MAEL: variants seen among roughly 807,000 people sequenced by gnomAD.
MAEL encodes the protein protein maelstrom homolog.
MAEL carries 46 observed loss-of-function variants against 62.0 expected under a neutral mutation model. That is an observed-to-expected ratio of 0.74 (90% CI 0.59 to 0.95). The LOEUF (loss-of-function observed/expected upper bound fraction) is 0.95. Among genes scored for constraint, MAEL ranks in the 40% least tolerant of loss-of-function variants. The pLI is 0.00. For missense variants in MAEL, 497 were observed against 526.8 expected, an observed-to-expected ratio of 0.94 and a Z score of 0.55; for synonymous variants, 172 against 175.5, an observed-to-expected ratio of 0.98 and a Z score of 0.16.
chr1:166,986,927 G>T (rs1029989658), upstream of MAEL, among the ~76,000 whole-genome samples: 1 of 144,000 alleles, frequency 6.9e-6, no homozygotes, highest in Non-Finnish European at 1.5e-5. Flanking sequence ...AAATAATTAG[G>T]AATGAAAAGG....
At chr1:167,004,146 C>T (rs778116590) in intron 5 of MAEL, 34 bp from the exon 6 acceptor site, 11 of 1,585,066 alleles carry the variant, frequency 6.9e-6, no homozygotes, top group African/African-American at 2.7e-5. Context: ...TTATCTTGCT[C>T]AAAGTTTGAA....
chr1:167,008,770 T>G (rs1237322641), intron 8 of MAEL, among the ~76,000 whole-genome samples: 1 of 152,094 alleles, frequency 6.6e-6, no homozygotes, highest in Non-Finnish European at 1.5e-5. Flanking sequence ...ATTGCCATTT[T>G]AAATAAATTA....
chr1:167,004,267 A>G lies in MAEL; in HGVS notation c.611A>G (p.His204Arg). Residue 204 changes from histidine (H) to arginine (R), a missense_variant, in exon 6 of 12, where the codon CAT (histidine) becomes CGT (arginine). By Grantham distance (29) the His-to-Arg change is conservative. Transcript: ENST00000367872. Reference sequence around the variant, plus strand: ...TTACAAAACCTTTATAGATTTATTCATCCCAACCCAGGGAACTGGCCACCT... The same window carrying G: ...TTACAAAACCTTTATAGATTTATTCGTCCCAACCCAGGGAACTGGCCACCT... ...TVLQNLYRFI[H>R]PNPGNWPPIY... The G allele has an allele frequency of 6.2e-7, 1 of 1,608,732 alleles. No homozygotes were observed. Among genetic ancestry groups the G allele is most frequent in the Non-Finnish European group, 8.5e-7 (1 of 1,177,706 alleles).
upstream of MAEL, among the ~76,000 whole-genome samples, chr1:166,986,392 G>A (rs1663913959): frequency 6.6e-6 from 1 of 152,178 alleles, no homozygotes; most frequent in Non-Finnish European, 1.5e-5. Context: ...AATCCCAGAT[G>A]ATACCAACAT....
At chr1:166,995,712 C>T (rs747653402) in intron 5 of MAEL, among the ~76,000 whole-genome samples, 8 of 151,756 alleles carry the variant, frequency 5.3e-5, no homozygotes, top group East Asian at 1.9e-4. Flanking sequence ...GAAACTTAGC[C>T]GGTGAATTAA....
intron 5 of MAEL, among the ~76,000 whole-genome samples, chr1:166,995,279 T>C (rs1185021437): frequency 6.6e-6 from 1 of 152,050 alleles, no homozygotes; most frequent in Non-Finnish European, 1.5e-5. Flanking sequence ...ATGCTCTTGT[T>C]ACCCAGGCTG....
chr1:166,996,766 A>G (rs780339702), intron 5 of MAEL, among the ~76,000 whole-genome samples: 14 of 152,204 alleles, frequency 9.2e-5, no homozygotes, highest in African/African-American at 1.4e-4. Context: ...ACTTGTTTCA[A>G]CATTTATGTA....
At chr1:166,984,542 C>T (rs1383025628), upstream of MAEL, among the ~76,000 whole-genome samples, 1 of 152,024 alleles carries the variant, frequency 6.6e-6, no homozygotes, top group Non-Finnish European at 1.5e-5. Context: ...TTGTATCTGT[C>T]AATTAAAAAT....
At chr1:167,020,847 G>A (rs1378403763) in intron 10 of MAEL, among the ~76,000 whole-genome samples, 3 of 151,638 alleles carry the variant, frequency 2.0e-5, no homozygotes, top group Admixed American at 1.3e-4. Flanking sequence ...ATCAGCAAAC[G>A]TGCTATAATC....
intron 8 of MAEL, among the ~76,000 whole-genome samples, chr1:167,006,961 T>C (rs947252355): frequency 2.0e-5 from 3 of 152,006 alleles, no homozygotes; most frequent in African/African-American, 7.2e-5. Flanking sequence ...AATAAATATT[T>C]TGTGGGGAAA....
At chr1:167,003,780 A>G (rs1239146893) in intron 5 of MAEL, among the ~76,000 whole-genome samples, 2 of 152,232 alleles carry the variant, frequency 1.3e-5, no homozygotes, top group Non-Finnish European at 2.9e-5. Flanking sequence ...GTGTCATCAT[A>G]TAACTTTTTA....
rs1435397920 is a variant in MAEL, at chr1:166,989,468, G to A, written c.116G>A (p.Cys39Tyr). 6.3e-7 allele frequency: 1 copy of A among 1,586,826 alleles called. No homozygotes were observed. Among genetic ancestry groups the A allele is most frequent in the Non-Finnish European group, 8.6e-7 (1 of 1,166,674 alleles). Reference sequence around the variant, plus strand: ...CGCGTTGCTGATGCCATCCCTTACTGCTCCTCAGACTGGGCGGTAAGGCTG... The same window carrying A: ...CGCGTTGCTGATGCCATCCCTTACTACTCCTCAGACTGGGCGGTAAGGCTG... Reference protein sequence around the residue: ...VARVADAIPYCSSDWALLREE... With the variant: ...VARVADAIPYYSSDWALLREE... Residue 39 changes from cysteine to tyrosine, a missense_variant, in exon 1 of 12, where the codon TGC becomes TAC. Transcript: ENST00000367872.
At chr1:166,983,645 T>C (rs1663827459) in intron 1 of MAEL, among the ~76,000 whole-genome samples, 1 of 152,066 alleles carries the variant, frequency 6.6e-6, no homozygotes, top group Admixed American at 6.6e-5. Context: ...ATCAATCTGG[T>C]TGGAAAATGG....
intron 5 of MAEL, among the ~76,000 whole-genome samples, chr1:167,002,185 A>G (rs767182708): frequency 6.6e-6 from 1 of 152,140 alleles, no homozygotes; most frequent in Admixed American, 6.5e-5. Context: ...GTTTGTTACT[A>G]TTTTGTTTTA....
intron 8 of MAEL, among the ~76,000 whole-genome samples, chr1:167,006,640 T>TAC (rs1491525744): frequency 1.2e-5 from 1 of 86,032 alleles, no homozygotes; most frequent in African/African-American, 3.9e-5. Context: ...TATATATACA[T>TAC]TTTTTTTTTT....
rs760279069 is a variant in MAEL at position 166,992,686 on chromosome 1, C to G, written c.326C>G (p.Ala109Gly). Residue 109 changes from alanine (A) to glycine (G), a missense_variant and splice_region_variant, in exon 4 of 12, where the codon GCT becomes GGT. Transcript: ENST00000367872. The stretch of plus-strand genomic sequence containing the variant: ...ATTTTATCTTACAATTTTTTTTTAG[C>G]TCTCCTTGGAGGCATTTTTTATTTT... ...MSALSLKGDQ[A>G]LLGGIFYFLN... The G allele has an allele frequency of 3.2e-6, 5 of 1,566,258 alleles. No homozygotes were observed. The highest frequency in any genetic ancestry group is 4.3e-6 in the Non-Finnish European group (5 of 1,164,758).
chr1:167,008,324 T>C (rs951291969), intron 8 of MAEL, among the ~76,000 whole-genome samples: 1 of 152,152 alleles, frequency 6.6e-6, no homozygotes, highest in African/African-American at 2.4e-5. Context: ...TATTAGGCTT[T>C]CTAATTTTAA....
Position 166,989,308 on chromosome 1 carries a change from C to G in MAEL, c.-45C>G, listed in dbSNP as rs199628429. On this transcript the variant is annotated 5_prime_UTR_variant, in exon 1 of 12. Transcript: ENST00000367872. ...TAGGGCGGGAGCCCGGCGAGGGCGC[C>G]GGTGCTTTGTTCTGTCTGAGGCCAG... is the stretch of plus-strand genomic sequence containing the variant. 1.9e-6 allele frequency: 3 copies of G among 1,584,620 alleles called. No individual in the cohort carries two copies. Among genetic ancestry groups the G allele is most frequent in the Non-Finnish European group, 2.6e-6 (3 of 1,164,390 alleles).
chr1:167,021,198 A>C (rs764431743), intron 11 of MAEL, 38 bp downstream of exon 11: 1 of 1,387,024 alleles, frequency 7.2e-7, no homozygotes, highest in East Asian at 2.3e-5. Flanking sequence ...CACCTAAAGG[A>C]TGTTAGAGCC....
Sources: allele counts gnomAD v4.1 joint callset (sites outside exome capture counted in the v4.1 genomes callset), GRCh38; gene constraint gnomAD v4.1.1; transcripts MANE v1.5; gene names NCBI Gene and HGNC (gene_info 2026-07-23, HGNC 2026-07-21).